Variants in LINC02747 observed in about 807,000 individuals in gnomAD.
LINC02747 encodes long independently transcribed non-coding RNA 2747.
At chr11:69,477,946 C>G (rs74349083) in intron 1 of LINC02747, among the ~76,000 whole-genome samples, 2 of 152,160 alleles carry the variant, frequency 1.3e-5, no homozygotes, top group Non-Finnish European at 2.9e-5. Flanking sequence ...CTTCTGAGCC[C>G]GTGGCCCCTG....
chr11:69,477,362 G>A (rs1857005411), exon 2 of LINC02747: 1 of 152,292 alleles, frequency 6.6e-6, no homozygotes, highest in Non-Finnish European at 1.5e-5. Flanking sequence ...TCCTACAGGA[G>A]GTTGCCCTCT....
exon 2 of LINC02747, chr11:69,476,191 G>A (rs966053013): frequency 4.6e-5 from 7 of 152,206 alleles, no homozygotes; most frequent in African/African-American, 1.2e-4. Flanking sequence ...GCGCTCAAAT[G>A]GTGCAACGAG....
At chr11:69,477,420 G>A (rs1857005957) in exon 2 of LINC02747, 1 of 152,222 alleles carries the variant, frequency 6.6e-6, no homozygotes, top group Non-Finnish European at 1.5e-5. Flanking sequence ...GCTTCGCTGG[G>A]TCCTGGACGC....
intron 1 of LINC02747, among the ~76,000 whole-genome samples, chr11:69,479,477 G>C (rs769844596): frequency 1.3e-5 from 2 of 152,108 alleles, no homozygotes; most frequent in Non-Finnish European, 2.9e-5. Context: ...TTATTCTCAT[G>C]AGCAGAAAAA....
chr11:69,481,216 C>T (rs528079716), intron 1 of LINC02747, among the ~76,000 whole-genome samples: 29 of 152,312 alleles, frequency 1.9e-4, no homozygotes, highest in African/African-American at 5.1e-4. Context: ...GCCGATCTAG[C>T]GGTCCACACA....
intron 1 of LINC02747, among the ~76,000 whole-genome samples, chr11:69,479,279 AGAGAGAGAGAGAG>A (rs1250396676): frequency 2.9e-5 from 4 of 139,574 alleles, no homozygotes; most frequent in African/African-American, 8.1e-5. Flanking sequence ...AAAAAAAAAG[AGAGAGAGAGAGAG>A]GAGAGAGAGA....
intron 1 of LINC02747, among the ~76,000 whole-genome samples, chr11:69,481,143 G>T (rs1857044719): frequency 6.6e-6 from 1 of 152,222 alleles, no homozygotes; most frequent in South Asian, 2.1e-4. Context: ...AGCCACTGGG[G>T]CAGCCAGTGT....
At chr11:69,479,027 G>A (rs368787917) in intron 1 of LINC02747, among the ~76,000 whole-genome samples, 63 of 152,240 alleles carry the variant, frequency 4.1e-4, no homozygotes, top group East Asian at 1.9e-3. Flanking sequence ...GGCTGAAGCC[G>A]GTGTATAACT....
chr11:69,480,871 G>A (rs1470319431), intron 1 of LINC02747, among the ~76,000 whole-genome samples: 1 of 152,194 alleles, frequency 6.6e-6, no homozygotes, highest in Non-Finnish European at 1.5e-5. Context: ...GTGTGAGGTA[G>A]CACAGGCCTC....
intron 1 of LINC02747, among the ~76,000 whole-genome samples, chr11:69,479,254 CAAAAAAAA>C (rs34812492): frequency 2.1e-5 from 1 of 47,540 alleles, no homozygotes; most frequent in Admixed American, 2.6e-4. Flanking sequence ...GACTCTGTCT[CAAAAAAAA>C]AAAAAAAAAA....
chr11:69,481,521 C>T (rs1857048277), exon 1 of LINC02747: 1 of 152,360 alleles, frequency 6.6e-6, no homozygotes, highest in South Asian at 2.1e-4. Context: ...ATCAGGTCCT[C>T]ACATAGAGGC....
chr11:69,478,125 T>C (rs541501771), intron 1 of LINC02747, among the ~76,000 whole-genome samples: 1 of 152,114 alleles, frequency 6.6e-6, no homozygotes, highest in African/African-American at 2.4e-5. Context: ...ATGCCGCTGC[T>C]CCATAGAAAA....
chr11:69,477,901 C>T (rs1039816533), intron 1 of LINC02747, among the ~76,000 whole-genome samples: 1 of 152,156 alleles, frequency 6.6e-6, no homozygotes, highest in African/African-American at 2.4e-5. Flanking sequence ...ACCCTCCTTC[C>T]AGGACGATCA....
intron 1 of LINC02747, among the ~76,000 whole-genome samples, chr11:69,479,364 C>A (rs983871813): frequency 2.0e-5 from 3 of 151,538 alleles, no homozygotes; most frequent in South Asian, 2.1e-4. Flanking sequence ...CAGAAGGAAC[C>A]ACATCTCAGT....
chr11:69,478,163 TG>T (rs955638997), intron 1 of LINC02747, among the ~76,000 whole-genome samples: 3 of 152,170 alleles, frequency 2.0e-5, no homozygotes, highest in Non-Finnish European at 2.9e-5. Flanking sequence ...AGGATATTGC[TG>T]GGGGACCCCT....
chr11:69,478,993 G>C (rs955201878), intron 1 of LINC02747, among the ~76,000 whole-genome samples: 1 of 152,114 alleles, frequency 6.6e-6, no homozygotes, highest in South Asian at 2.1e-4. Flanking sequence ...GGTGGCTCAC[G>C]CCTGTAATCC....
intron 1 of LINC02747, among the ~76,000 whole-genome samples, chr11:69,480,683 C>T (rs1022385960): frequency 6.6e-6 from 1 of 152,204 alleles, no homozygotes; most frequent in Admixed American, 6.5e-5. Context: ...TGCTATGAAT[C>T]GTGAAACAAA....
At chr11:69,478,375 G>T (rs951350511) in intron 1 of LINC02747, among the ~76,000 whole-genome samples, 1 of 151,876 alleles carries the variant, frequency 6.6e-6, no homozygotes, top group Non-Finnish European at 1.5e-5. Flanking sequence ...TTGCACCCCC[G>T]CCTCCACCCC....
At chr11:69,478,344 G>A (rs1054472838) in intron 1 of LINC02747, among the ~76,000 whole-genome samples, 3 of 152,010 alleles carry the variant, frequency 2.0e-5, no homozygotes, top group Admixed American at 1.3e-4. Flanking sequence ...AGGGATCGGA[G>A]TCCCCACCCC....
Sources: gnomAD v4.1 joint callset for allele counts (sites outside exome capture counted in the v4.1 genomes callset) on GRCh38, gnomAD v4.1.1 for gene constraint, MANE v1.5 for transcripts, NCBI Gene and HGNC (gene_info 2026-07-23, HGNC 2026-07-21) for gene names.